The following ZAN variants were observed in gnomAD, a reference collection of about 807,000 sequenced individuals.
The protein encoded by ZAN is zonadhesin (gene/pseudogene).
In ZAN, 260 loss-of-function variants were observed where a neutral mutation model predicts 286.2. The observed-to-expected ratio is 0.91, with a 90% confidence interval of 0.82 to 1.01. The LOEUF is 1.01. ZAN is among the 50% of genes least tolerant of loss of function. ZAN has a pLI of 0.00. For missense variants in ZAN, 3,410 were observed against 3,639.2 expected (o/e 0.94, Z 1.62); for synonymous variants, 1,368 against 1,417.5 (o/e 0.97, Z 0.79).
In ZAN at chr7:100,776,565, G is replaced by A. The variant is rs1352208741; in HGVS notation, c.6317+1G>A. On this transcript the variant is annotated splice_donor_variant, in intron 34 of 47. Transcript: ENST00000613979. LOFTEE classifies it high-confidence loss of function. ...GGAAAGATAAGGACATTGACCCAAG[G>A]TAGTGGTCCCCTAAGACCCTCTAGG... 6.4e-7 allele frequency: 1 copy of A among 1,552,282 alleles called. No individual in the cohort carries two copies.
intron 8 of ZAN, among the ~76,000 whole-genome samples, chr7:100,747,007 C>G (rs1333574138): frequency 6.6e-6 from 1 of 152,008 alleles, no homozygotes; most frequent in East Asian, 1.9e-4. Flanking sequence ...TCGCTTGAAC[C>G]CGGGAGGCGG....
Position 100,791,061 on chromosome 7 carries a change from T to A in ZAN, c.7477T>A (p.Phe2493Ile). The change falls in exon 40 of 48, where the codon TTT (phenylalanine) becomes ATT (isoleucine). Residue 2493 changes from phenylalanine to isoleucine, a missense_variant. Physicochemically the swap from Phe to Ile is conservative, Grantham distance 21. This residue lies in a region of ZAN where 1,289 missense variants were observed against 1,314.3 expected (regional missense o/e 0.98). Transcript: ENST00000613979. ...SGALTQNLNTFGNSWEVKTED... is the reference protein window; with the variant it reads ...SGALTQNLNTIGNSWEVKTED... ...CGCCCTGACCCAGAACCTCAACACC[T>A]TTGGCAACAGCTGGGAGGTGAAGAC... The A allele has an allele frequency of 6.2e-7, 1 of 1,613,092 alleles. No individual in the cohort carries two copies. Among genetic ancestry groups the A allele is most frequent in the Non-Finnish European group, 8.5e-7 (1 of 1,179,690 alleles).
Position 100,789,242 on chromosome 7 carries a change from C to T in ZAN, c.7252C>T (p.Pro2418Ser), listed in dbSNP as rs1412829391. Reference protein sequence around the residue: ...LVVNNQKMAVPYRPNEHLRVT... With the variant: ...LVVNNQKMAVSYRPNEHLRVT... ...GGTCAACAACCAGAAGATGGCCGTCCCCTACAGGCCAAATGAACACCTGCG... is the reference window on the plus strand; with the variant it reads ...GGTCAACAACCAGAAGATGGCCGTCTCCTACAGGCCAAATGAACACCTGCG... The change falls in exon 39 of 48, where the codon CCC becomes TCC. Residue 2418 changes from proline (P) to serine (S), a missense_variant. Physicochemically the swap from Pro to Ser is moderately conservative, Grantham distance 74. This residue lies in a region of ZAN where 1,289 missense variants were observed against 1,314.3 expected (regional missense o/e 0.98). Transcript: ENST00000613979. 5 of 1,613,736 alleles carry T rather than the reference C, an allele frequency of 3.1e-6. No homozygotes were observed. Among genetic ancestry groups the T allele is most frequent in the Non-Finnish European group, 4.2e-6 (5 of 1,179,812 alleles).
At chr7:100,780,554 G>C (rs1369249303) in intron 35 of ZAN, among the ~76,000 whole-genome samples, 2 of 151,622 alleles carry the variant, frequency 1.3e-5, no homozygotes, top group African/African-American at 4.9e-5. Flanking sequence ...CATGCCTGTG[G>C]TCCCAGCTAC....
At position 100,792,418 on chromosome 7, in the gene ZAN, G is replaced by A. The variant is rs1171643654; in HGVS notation, c.7726G>A (p.Asp2576Asn). The change falls in exon 42 of 48, where the codon GAT (aspartate) becomes AAT (asparagine). Residue 2576 changes from aspartate to asparagine, a missense_variant. Around this residue, in one of 7 missense-constraint regions of ZAN, gnomAD observed 1,289 missense variants for 1,314.3 expected, o/e 0.98. Transcript: ENST00000613979. Reference protein sequence around the residue: ...PEPFQEHCVLDLCSAQDPREQ... With the variant: ...PEPFQEHCVLNLCSAQDPREQ... The stretch of plus-strand genomic sequence containing the variant: ...TCTCTGCACCAGGCACTGCGTGCTG[G>A]ATCTGTGCTCTGCTCAGGACCCAAG... The A allele has an allele frequency of 1.2e-6, 2 of 1,612,786 alleles. No homozygotes were observed. Among genetic ancestry groups the A allele is most frequent in the Admixed American group, 1.7e-5 (1 of 59,924 alleles).
chr7:100,738,426 A>G, intron 6 of ZAN, 35 bp from the exon 7 acceptor site: 1 of 1,441,416 alleles, frequency 6.9e-7, no homozygotes, highest in Non-Finnish European at 9.4e-7. Flanking sequence ...AAAAAGAAGA[A>G]AACATTATAT....
intron 28 of ZAN, among the ~76,000 whole-genome samples, chr7:100,770,424 A>C (rs1373278835): frequency 1.3e-5 from 2 of 149,052 alleles, no homozygotes; most frequent in African/African-American, 4.9e-5. Context: ...GAATCGCTTT[A>C]ACCTGGGAGG....
At chr7:100,794,646 C>T (rs1263391687) in intron 44 of ZAN, among the ~76,000 whole-genome samples, 2 of 151,820 alleles carry the variant, frequency 1.3e-5, no homozygotes, top group South Asian at 4.2e-4. Context: ...TCAGCCTGGG[C>T]AATATAGGGA....
rs1425212622 is a variant in ZAN, at chr7:100,784,853, T to G, written c.6834+19T>G. On this transcript the variant is annotated intron_variant, in intron 36 of 47. Coordinates refer to ENST00000613979, the MANE Select transcript of ZAN (RefSeq NM_003386.3). ...CATCCCTGTGAGTGGGCATGGGAAATGGGACTGGAGGCAACACAGCTTGAG... is the reference window on the plus strand; with the variant it reads ...CATCCCTGTGAGTGGGCATGGGAAAGGGGACTGGAGGCAACACAGCTTGAG... 3 of 1,569,374 alleles carry G rather than the reference T, an allele frequency of 1.9e-6. No individual in the cohort carries two copies. Among genetic ancestry groups the G allele is most frequent in the Non-Finnish European group, 2.6e-6 (3 of 1,155,590 alleles).
chr7:100,792,193 C>T, intron 41 of ZAN, 45 bp downstream of exon 41: 1 of 1,541,038 alleles, frequency 6.5e-7, no homozygotes, highest in Non-Finnish European at 8.7e-7. Flanking sequence ...CAGGTGCCTG[C>T]TCTGGTCTTT....
chr7:100,773,449 C>T lies in ZAN; in HGVS notation c.5590C>T (p.Leu1864Phe), dbSNP rs1334079630. 6.2e-7 allele frequency: 1 copy of T among 1,613,940 alleles called. No homozygotes were observed. Among genetic ancestry groups the T allele is most frequent in the East Asian group, 2.2e-5 (1 of 44,872 alleles). The change falls in exon 30 of 48, where the codon CTT becomes TTT. Residue 1864 changes from leucine to phenylalanine, a missense_variant. By Grantham distance (22) the Leu-to-Phe change is conservative (BLOSUM62 0). This residue lies in a region of ZAN where 1,289 missense variants were observed against 1,314.3 expected (regional missense o/e 0.98). Coordinates refer to ENST00000613979, the MANE Select transcript of ZAN (RefSeq NM_003386.3). ...CTTGAGTGGAACCTCCTGCGTGCCC[C>T]TTGGCCAGTGTGGCTGCACTGACCC... is the stretch of plus-strand genomic sequence containing the variant. ...HILSGTSCVP[L>F]GQCGCTDPAG...
At chr7:100,773,976 ACT>A (rs1810583348) in intron 31 of ZAN, 111 bp downstream of exon 31, 1 of 1,427,036 alleles carries the variant, frequency 7.0e-7, no homozygotes, top group African/African-American at 1.4e-5. Context: ...TTGACTGGTA[ACT>A]CTGCTGCAAC....
chr7:100,740,106 C>T (rs1355439614), intron 7 of ZAN, among the ~76,000 whole-genome samples: 1 of 139,850 alleles, frequency 7.2e-6, no homozygotes, highest in African/African-American at 2.6e-5. Flanking sequence ...GTGGGGCTGT[C>T]GGGGAAGGAG....
At chr7:100,765,222 C>T in intron 22 of ZAN, 130 bp from the exon 23 acceptor site, 1 of 1,086,064 alleles carries the variant, frequency 9.2e-7, no homozygotes, top group Middle Eastern at 2.1e-4. Context: ...AAGCTTCTCA[C>T]AGTCACTCTC....
Position 100,760,391 on chromosome 7 carries a change from G to T in ZAN, c.3697G>T (p.Val1233Phe). 3 of 1,613,676 alleles carry T rather than the reference G, an allele frequency of 1.9e-6. No individual in the cohort carries two copies. Among genetic ancestry groups the T allele is most frequent in the Non-Finnish European group, 2.5e-6 (3 of 1,179,680 alleles). Reference protein sequence around the residue: ...VTLLKGRRTLVGGQQVTLPAI... With the variant: ...VTLLKGRRTLFGGQQVTLPAI... The stretch of plus-strand genomic sequence containing the variant: ...CTCTTGCCTCTGCCCTGCCTTCCAG[G>T]TTGGGGGTCAGCAAGTTACTCTCCC... The change falls in exon 19 of 48, where the codon GTT becomes TTT. Residue 1233 changes from valine to phenylalanine, a missense_variant and splice_region_variant. Coordinates refer to ENST00000613979, the MANE Select transcript of ZAN (RefSeq NM_003386.3).
chr7:100,758,358 C>T lies in ZAN; in HGVS notation c.3451+15C>T, dbSNP rs1244313029. The T allele has an allele frequency of 1.2e-6, 2 of 1,608,904 alleles. No homozygotes were observed. Among genetic ancestry groups the T allele is most frequent in the African/African-American group, 2.7e-5 (2 of 74,858 alleles). On this transcript the variant is annotated intron_variant, in intron 16 of 47. Transcript: ENST00000613979. ...CCACCCCTACGGTGAGAGCCCCTCC[C>T]CATGCTGTCCCTGCCTGCCAGCCAG...
chr7:100,766,710 A>T (rs1395090608), intron 24 of ZAN, 44 bp downstream of exon 24: 2 of 1,541,566 alleles, frequency 1.3e-6, no homozygotes, highest in Non-Finnish European at 1.8e-6. Context: ...TGCCCAGGCA[A>T]CACCAGGCAA....
intron 34 of ZAN, among the ~76,000 whole-genome samples, 159 bp from the exon 35 acceptor site, chr7:100,779,287 C>T (rs926688242): frequency 6.6e-6 from 1 of 150,556 alleles, no homozygotes; most frequent in East Asian, 2.0e-4. Context: ...ACAGGAGAAT[C>T]GCTTGAACAT....
At chr7:100,796,286 A>G (rs191602691) in intron 45 of ZAN, among the ~76,000 whole-genome samples, 327 of 151,980 alleles carry the variant, frequency 2.2e-3, no homozygotes, top group Non-Finnish European at 3.8e-3. Context: ...TACAATTCCC[A>G]TGGGCTTCTG....
Sources: allele counts gnomAD v4.1 joint callset (sites outside exome capture counted in the v4.1 genomes callset), GRCh38; gene constraint gnomAD v4.1.1; regional missense constraint gnomAD v4.1.1; transcripts MANE v1.5; gene names NCBI Gene and HGNC (gene_info 2026-07-23, HGNC 2026-07-21).